ITFG1: variants seen among roughly 807,000 people sequenced by gnomAD.
ITFG1 encodes the protein integrin alpha FG-GAP repeat containing 1, also known as T-cell immunomodulatory protein.
ITFG1 carries 34 observed loss-of-function variants against 81.8 expected under a neutral mutation model. That is an observed-to-expected ratio of 0.42 (90% confidence interval 0.32 to 0.55). The LOEUF is 0.55. Among genes scored for constraint, ITFG1 ranks in the 20% least tolerant of loss-of-function variants. The pLI is 0.17. For missense variants in ITFG1, 672 were observed against 755.4 expected, an observed-to-expected ratio of 0.89 and a Z score of 1.29; for synonymous variants, 285 against 270.6, an observed-to-expected ratio of 1.05 and a Z score of -0.52.
intron 8 of ITFG1, among the ~76,000 whole-genome samples, chr16:47,353,168 C>A (rs551993185): frequency 1.3e-4 from 19 of 151,858 alleles, no homozygotes; most frequent in African/African-American, 4.3e-4. Flanking sequence ...ATGTAACAAA[C>A]CTGCACATTG....
rs1452620774 is a variant in ITFG1 at position 47,154,727 on chromosome 16, C to T, written c.*992G>A. The T allele has an allele frequency of 2.0e-5, 3 of 152,182 alleles. No homozygotes were observed. The highest frequency in any genetic ancestry group is 4.4e-5 in the Non-Finnish European group (3 of 68,034). 9.4% of individuals were successfully genotyped at this position (152,182 alleles called of 1,614,324 possible). A position where few individuals can be genotyped will look rare whatever the true frequency, so the allele number is the denominator to read the frequency against. ...GATTGAAGATTTGCATTCCCAGATG[C>T]TGCCTACAGCAGTTTCCTTTCAAGA... is the stretch of plus-strand genomic sequence containing the variant. On this transcript the variant is annotated 3_prime_UTR_variant, in exon 18 of 18. Coordinates refer to ENST00000320640, the MANE Select transcript of ITFG1 (RefSeq NM_030790.5).
intron 14 of ITFG1, among the ~76,000 whole-genome samples, chr16:47,205,107 G>C (rs1965476709): frequency 6.6e-6 from 1 of 152,198 alleles, no homozygotes; most frequent in African/African-American, 2.4e-5. Context: ...AATATCCGTA[G>C]AAGTTTGGAA....
chr16:47,337,328 T>C (rs1283260514), intron 8 of ITFG1, among the ~76,000 whole-genome samples: 1 of 152,016 alleles, frequency 6.6e-6, no homozygotes, highest in Non-Finnish European at 1.5e-5. Flanking sequence ...TCCCAGCACT[T>C]TGGGAGGCCG....
At chr16:47,395,274 TATG>T (rs1201226948) in intron 6 of ITFG1, among the ~76,000 whole-genome samples, 1 of 152,168 alleles carries the variant, frequency 6.6e-6, no homozygotes, top group African/African-American at 2.4e-5. Flanking sequence ...ATATTAAAAT[TATG>T]ATGACATTTT....
chr16:47,237,838 A>G, intron 13 of ITFG1, 127 bp downstream of exon 13: 1 of 572,446 alleles, frequency 1.7e-6, no homozygotes, highest in Non-Finnish European at 3.1e-6. Context: ...TTCTTGAGTA[A>G]TGAAGGATTC....
intron 8 of ITFG1, among the ~76,000 whole-genome samples, chr16:47,346,245 C>A (rs984100884): frequency 6.6e-6 from 1 of 152,110 alleles, no homozygotes; most frequent in African/African-American, 2.4e-5. Flanking sequence ...TTGTTTCCAA[C>A]CACAACTGTA....
chr16:47,386,418 TA>T (rs747860090), intron 6 of ITFG1, among the ~76,000 whole-genome samples: 1 of 152,108 alleles, frequency 6.6e-6, no homozygotes, highest in Non-Finnish European at 1.5e-5. Flanking sequence ...AGGACTGTGG[TA>T]ACTTCTTGCG....
intron 8 of ITFG1, among the ~76,000 whole-genome samples, chr16:47,314,910 T>A (rs1240642466): frequency 1.3e-5 from 2 of 152,064 alleles, no homozygotes; most frequent in East Asian, 3.9e-4. Flanking sequence ...CTGAGAGCTA[T>A]GTAGTTATCA....
chr16:47,307,559 G>A lies in ITFG1; in HGVS notation c.1070+3681C>T, dbSNP rs1355667543. ...GTTGGTTGAGTGAAGGCAAGCGAAC[G>A]TAGCAATATGAGGTCTTCTTCAATA... On this transcript the variant is annotated intron_variant, in intron 10 of 17. Transcript: ENST00000320640. Among the ~76,000 whole-genome samples, 45 of 152,158 alleles carry A rather than the reference G, an allele frequency of 3.0e-4. 1 individual carries two copies. Among genetic ancestry groups the A allele is most frequent in the South Asian group, 2.1e-4 (1 of 4,824 alleles).
intron 6 of ITFG1, among the ~76,000 whole-genome samples, chr16:47,407,621 A>G (rs1968745642): frequency 6.6e-6 from 1 of 152,214 alleles, no homozygotes; most frequent in Middle Eastern, 3.2e-3. Flanking sequence ...TGTTGGGATT[A>G]CAGAAGTGAG....
At chr16:47,280,795 G>A (rs916114806) in intron 10 of ITFG1, among the ~76,000 whole-genome samples, 4 of 152,002 alleles carry the variant, frequency 2.6e-5, no homozygotes, top group African/African-American at 7.2e-5. Context: ...TGAGTCCAAC[G>A]ACCAATGGCC....
intron 10 of ITFG1, among the ~76,000 whole-genome samples, chr16:47,279,321 T>C (rs1045778597): frequency 1.3e-5 from 2 of 152,196 alleles, no homozygotes; most frequent in Non-Finnish European, 2.9e-5. Context: ...TAAGATATGA[T>C]GTTTAGTCAA....
At chr16:47,435,477 T>C (rs1969154470) in intron 5 of ITFG1, among the ~76,000 whole-genome samples, 1 of 152,162 alleles carries the variant, frequency 6.6e-6, no homozygotes, top group South Asian at 2.1e-4. Context: ...CAAAATTATA[T>C]CAAAGTTTTC....
chr16:47,194,703 A>AATAT (rs199836512), intron 14 of ITFG1, among the ~76,000 whole-genome samples: 1 of 151,218 alleles, frequency 6.6e-6, no homozygotes, highest in African/African-American at 2.4e-5. Context: ...TTTTCTACTT[A>AATAT]ATATATATAT....
chr16:47,325,951 G>A (rs1360718948), intron 8 of ITFG1, among the ~76,000 whole-genome samples: 5 of 152,068 alleles, frequency 3.3e-5, no homozygotes, highest in Non-Finnish European at 7.4e-5. Context: ...ACAAAAAGAG[G>A]GAATCCTCCC....
chr16:47,237,946 CAG>C lies in ITFG1; in HGVS notation c.1374+17_1374+18del, dbSNP rs749271522. On this transcript the variant is annotated intron_variant, in intron 13 of 17. Coordinates refer to ENST00000320640, the MANE Select transcript of ITFG1 (RefSeq NM_030790.5). ...AGAATTTTCATAGACATATTTATAA[CAG>C]ATATAAATTTACTTACTGTTATCTT... is the stretch of plus-strand genomic sequence containing the variant. 1.2e-5 allele frequency: 13 copies of C among 1,124,486 alleles called. No homozygotes were observed. In the South Asian group the frequency reaches 1.8e-4, roughly 16 times the overall value. 69.7% of individuals were successfully genotyped at this position (1,124,486 alleles called of 1,614,324 possible). A position where few individuals can be genotyped will look rare whatever the true frequency, so the allele number is the denominator to read the frequency against.
intron 14 of ITFG1, among the ~76,000 whole-genome samples, chr16:47,213,129 G>C (rs1260215053): frequency 6.6e-6 from 1 of 152,050 alleles, no homozygotes; most frequent in African/African-American, 2.4e-5. Context: ...TATATTTTAA[G>C]AATTTCCCTT....
chr16:47,229,470 C>A (rs1343644213), intron 13 of ITFG1, among the ~76,000 whole-genome samples: 11 of 151,984 alleles, frequency 7.2e-5, no homozygotes, highest in Non-Finnish European at 1.6e-4. Flanking sequence ...AGGGGTAAAC[C>A]AGGGCTCTAT....
chr16:47,315,586 T>C (rs994711991), intron 8 of ITFG1, among the ~76,000 whole-genome samples: 2 of 152,136 alleles, frequency 1.3e-5, no homozygotes, highest in African/African-American at 2.4e-5. Flanking sequence ...CATGCCTCTT[T>C]TGACAATGAA....
Sources: gnomAD v4.1 joint callset for allele counts (sites outside exome capture counted in the v4.1 genomes callset) on GRCh38, gnomAD v4.1.1 for gene constraint, MANE v1.5 for transcripts, NCBI Gene and HGNC (gene_info 2026-07-23, HGNC 2026-07-21) for gene names.